Variants in PAX7 observed in about 807,000 individuals in gnomAD.
PAX7 encodes paired box 7.
PAX7 carries 18 observed loss-of-function variants against 50.7 expected under a neutral mutation model. That is an observed-to-expected ratio of 0.36 (90% CI 0.25 to 0.53). The LOEUF (loss-of-function observed/expected upper bound fraction) is 0.53, where lower values mean the gene tolerates loss of function less well. Among genes scored for constraint, PAX7 ranks in the 20% least tolerant of loss-of-function variants. The pLI is 0.93. For synonymous variants in PAX7, 310 were observed against 290.4 expected, an observed-to-expected ratio of 1.07 and a Z score of -0.69; for missense variants, 644 against 702.9, an observed-to-expected ratio of 0.92 and a Z score of 0.95.
chr1:18,635,063 C>T (rs1277953196), intron 2 of PAX7, 48 bp from the exon 3 acceptor site: 1 of 1,603,084 alleles, frequency 6.2e-7, no homozygotes, highest in African/African-American at 1.3e-5. Flanking sequence ...TATTTTCCTC[C>T]CCCCATCCCA....
Position 18,688,270 on chromosome 1 carries a change from G to T in PAX7, c.587-3484G>T, listed in dbSNP as rs2743210. Among the ~76,000 whole-genome samples the T allele has an allele frequency of 5.8e-3, 883 of 152,260 alleles. 7 individuals are homozygous for T. The highest frequency in any genetic ancestry group is 0.019 in the African/African-American group (784 of 41,530). ...CATAAATAGCATAAAAACAAGGAAC[G>T]TTGTTAAATTCTACCTAGAGACTAG... is the stretch of plus-strand genomic sequence containing the variant. On this transcript the variant is annotated intron_variant, in intron 4 of 8. Coordinates refer to ENST00000420770, the MANE Select transcript of PAX7 (RefSeq NM_001135254.2).
intron 7 of PAX7, among the ~76,000 whole-genome samples, chr1:18,732,034 C>T (rs2089652936): frequency 6.6e-6 from 1 of 152,192 alleles, no homozygotes; most frequent in African/African-American, 2.4e-5. Flanking sequence ...GCCCCAGGGA[C>T]CTCAGGGCCT....
At chr1:18,670,047 C>CACT (rs1231716257) in intron 4 of PAX7, among the ~76,000 whole-genome samples, 6 of 141,430 alleles carry the variant, frequency 4.2e-5, no homozygotes, top group Non-Finnish European at 9.0e-5. Flanking sequence ...CGTGCCACTG[C>CACT]ACTCCAGTCT....
At chr1:18,744,270 G>C (rs2100420508) in intron 8 of PAX7, among the ~76,000 whole-genome samples, 1 of 152,338 alleles carries the variant, frequency 6.6e-6, no homozygotes, top group African/African-American at 2.4e-5. Context: ...TAGTGGGCTT[G>C]TTGAGGGGTG....
At chr1:18,667,448 A>C (rs1013846343) in intron 4 of PAX7, among the ~76,000 whole-genome samples, 5 of 147,032 alleles carry the variant, frequency 3.4e-5, no homozygotes, top group Non-Finnish European at 7.6e-5. Flanking sequence ...GGAAGGAAGG[A>C]AGGAGCTTTG....
chr1:18,638,590 G>C (rs1057289767), intron 4 of PAX7, among the ~76,000 whole-genome samples: 30 of 152,204 alleles, frequency 2.0e-4, no homozygotes, highest in Admixed American at 1.9e-3. Context: ...TTGAATGGCT[G>C]TGTAAGCGCA....
chr1:18,692,090 T>A (rs905086887), intron 5 of PAX7, 137 bp downstream of exon 5: 1 of 709,158 alleles, frequency 1.4e-6, no homozygotes, highest in Non-Finnish European at 2.3e-6. Flanking sequence ...AGGCAAGTAA[T>A]GCCACCAGCA....
chr1:18,679,563 G>A (rs899437365), intron 4 of PAX7, among the ~76,000 whole-genome samples: 11 of 152,274 alleles, frequency 7.2e-5, no homozygotes, highest in African/African-American at 1.4e-4. Context: ...CTTCCTGGGC[G>A]TCTGTCTTCC....
chr1:18,635,318 GA>G (rs1278895051), intron 3 of PAX7, 78 bp downstream of exon 3: 12 of 1,525,752 alleles, frequency 7.9e-6, no homozygotes, highest in Non-Finnish European at 1.1e-5. Context: ...AGGTGGGAGA[GA>G]GGGGAGAGGA....
intron 8 of PAX7, among the ~76,000 whole-genome samples, chr1:18,737,062 G>A (rs1022692459): frequency 1.4e-4 from 21 of 152,370 alleles, no homozygotes; most frequent in Middle Eastern, 3.4e-3. Flanking sequence ...GGCAGGGACC[G>A]TGGATCCTCA....
rs375962225 is a variant in PAX7 at position 18,635,249 on chromosome 1, G to C, written c.451+9G>C. The C allele has an allele frequency of 5.6e-6, 9 of 1,612,808 alleles. No homozygotes were observed. The highest frequency in any genetic ancestry group is 1.3e-5 in the African/African-American group (1 of 74,878). On this transcript the variant is annotated intron_variant, in intron 3 of 8. Coordinates refer to ENST00000420770, the MANE Select transcript of PAX7 (RefSeq NM_001135254.2). ...AAGCACTGTGCCCTCAGGTGAGAAGGCAGCTGAGCCGGCAGAGCTGGCCCA... is the reference window on the plus strand; with the variant it reads ...AAGCACTGTGCCCTCAGGTGAGAAGCCAGCTGAGCCGGCAGAGCTGGCCCA...
chr1:18,744,721 G>GATGA (rs1557564794), intron 8 of PAX7, 93 bp from the exon 9 acceptor site: 124 of 722,010 alleles, frequency 1.7e-4, no homozygotes, highest in Admixed American at 4.9e-4. Flanking sequence ...TGGATGGATG[G>GATGA]ATGGATGGAT....
At chr1:18,639,733 GGAGT>G (rs994460408) in intron 4 of PAX7, among the ~76,000 whole-genome samples, 7 of 152,256 alleles carry the variant, frequency 4.6e-5, no homozygotes, top group African/African-American at 1.2e-4. Context: ...GGGAGCTGAG[GGAGT>G]GAGTGTGAAG....
At chr1:18,701,132 C>T (rs999032687) in intron 6 of PAX7, among the ~76,000 whole-genome samples, 1 of 152,110 alleles carries the variant, frequency 6.6e-6, no homozygotes, top group African/African-American at 2.4e-5. Context: ...TAAAAATCCC[C>T]CTGGGAATGC....
intron 4 of PAX7, among the ~76,000 whole-genome samples, chr1:18,644,157 G>A (rs1183751194): frequency 6.6e-6 from 1 of 152,224 alleles, no homozygotes; most frequent in African/African-American, 2.4e-5. Context: ...CGAGCTGAAG[G>A]CTTAGTGCAA....
At chr1:18,687,556 T>C (rs566119975) in intron 4 of PAX7, among the ~76,000 whole-genome samples, 1 of 152,244 alleles carries the variant, frequency 6.6e-6, no homozygotes, top group African/African-American at 2.4e-5. Context: ...CACAGACCTA[T>C]GAAGGCTGGC....
At chr1:18,647,135 G>C (rs1196139770) in intron 4 of PAX7, among the ~76,000 whole-genome samples, 1 of 152,064 alleles carries the variant, frequency 6.6e-6, no homozygotes, top group African/African-American at 2.4e-5. Flanking sequence ...AGGGGAGCCG[G>C]GCCCTGGTGC....
At position 18,735,636 on chromosome 1, in the gene PAX7, T is replaced by C. The variant is rs760450345; in HGVS notation, c.1160T>C (p.Met387Thr). The C allele has an allele frequency of 6.2e-7, 1 of 1,611,188 alleles. No homozygotes were observed. Among genetic ancestry groups the C allele is most frequent in the Non-Finnish European group, 8.5e-7 (1 of 1,177,986 alleles). Residue 387 changes from methionine (M) to threonine (T), a missense_variant, in exon 8 of 9, where the codon ATG becomes ACG. By Grantham distance (81) the Met-to-Thr change is moderately conservative. Transcript: ENST00000420770. This position sits in a 1 kb window ranked among gnomAD's most constrained non-coding sequence, Gnocchi z 4.0. ...PVSNGLSPQV[M>T]SILGNPSAVP... The stretch of plus-strand genomic sequence containing the variant: ...CTAATGGCCTTTTCCCCACAGGTGA[T>C]GAGCATCTTGGGCAACCCCAGTGCG...
intron 4 of PAX7, among the ~76,000 whole-genome samples, chr1:18,674,517 C>T (rs2088797741): frequency 6.6e-6 from 1 of 152,178 alleles, no homozygotes; most frequent in Admixed American, 6.5e-5. Flanking sequence ...GGCTTCCAGG[C>T]TGTGGTCTGT....
Sources: gnomAD v4.1 joint callset for allele counts (sites outside exome capture counted in the v4.1 genomes callset) on GRCh38, gnomAD v4.1.1 for gene constraint, Gnocchi (gnomAD v3.1) non-coding constraint, MANE v1.5 for transcripts, NCBI Gene and HGNC (gene_info 2026-07-23, HGNC 2026-07-21) for gene names.